TSPAN3: variants seen among roughly 807,000 people sequenced by gnomAD.
The protein encoded by TSPAN3 is tetraspanin 3.
TSPAN3 carries 9 observed loss-of-function variants against 31.1 expected under a neutral mutation model. The ratio of observed to expected loss-of-function variants is 0.29; its 90% CI spans 0.17 to 0.50. The LOEUF (loss-of-function observed/expected upper bound fraction) is 0.50. Among genes scored for constraint, TSPAN3 ranks in the 20% least tolerant of loss-of-function variants. The pLI is 0.98. For synonymous variants in TSPAN3, 129 were observed against 114.3 expected, an observed-to-expected ratio of 1.13 and a Z score of -0.82; for missense variants, 252 against 313.5, an observed-to-expected ratio of 0.80 and a Z score of 1.48.
At chr15:77,056,812 G>C (rs752676928) in intron 1 of TSPAN3, among the ~76,000 whole-genome samples, 25 of 152,128 alleles carry the variant, frequency 1.6e-4, no homozygotes, top group Non-Finnish European at 2.9e-4. Context: ...AAAGCTAGAG[G>C]GCTCAGTCAT....
At chr15:77,070,777 C>T in intron 1 of TSPAN3, 115 bp downstream of exon 1, 1 of 451,644 alleles carries the variant, frequency 2.2e-6, no homozygotes, top group African/African-American at 2.1e-5. Context: ...CGCCTGAGGG[C>T]CCGCGCGCGG....
rs530411274 is a variant in TSPAN3 at position 77,053,073 on chromosome 15, T to A, written c.433-144A>T. ...AATGGAAAGTCTGCATGATCCAATA[T>A]AGCAGCCACTAGCCACATGAAGCTC... On this transcript the variant is annotated intron_variant, in intron 4 of 6. Transcript: ENST00000267970. 7.9e-4 allele frequency: 586 copies of A among 743,378 alleles called. 8 individuals carry two copies. The East Asian group carries it at 0.016, about 20-fold the overall frequency. The allele number at this position is 743,378 out of a possible 1,614,324, so 46.0% of individuals were successfully genotyped here. A position where few individuals can be genotyped will look rare whatever the true frequency, so the allele number is the denominator to read the frequency against.
intron 1 of TSPAN3, among the ~76,000 whole-genome samples, chr15:77,060,289 C>T (rs2076793310): frequency 6.6e-6 from 1 of 152,148 alleles, no homozygotes; most frequent in Non-Finnish European, 1.5e-5. Flanking sequence ...AAATTGAAAA[C>T]AGCTTCAAAT....
At chr15:77,055,682 TA>T (rs1432929821) in intron 3 of TSPAN3, 106 bp downstream of exon 3, 2 of 879,202 alleles carry the variant, frequency 2.3e-6, no homozygotes, top group African/African-American at 3.4e-5. Flanking sequence ...ATTAAACAAG[TA>T]AGGCAAAAGA....
In TSPAN3 at chr15:77,056,196, A is replaced by C. The variant is rs1180245212; in HGVS notation, c.123T>G (p.Tyr41Ter). Residue 41 changes from tyrosine to a stop codon, truncating the protein, a stop_gained, in exon 2 of 7, where the codon TAT becomes TAG. Coordinates refer to ENST00000267970, the MANE Select transcript of TSPAN3 (RefSeq NM_005724.6). LOFTEE classifies it high-confidence loss of function. ...TGTACACATCTTCAAAGAAGTGGTCATAGTCATCATAAGTGATGAAGACAT... is the reference window on the plus strand; with the variant it reads ...TGTACACATCTTCAAAGAAGTGGTCCTAGTCATCATAAGTGATGAAGACAT... ...GAYVFITYDD[Y>*]DHFFEDVYTL... is the part of the protein sequence containing the mutation. The C allele has an allele frequency of 1.2e-6, 2 of 1,613,714 alleles. No homozygotes were observed. Among genetic ancestry groups the C allele is most frequent in the African/African-American group, 2.7e-5 (2 of 74,920 alleles).
At chr15:77,048,477 C>T (rs1013870842) in intron 6 of TSPAN3, among the ~76,000 whole-genome samples, 5 of 148,490 alleles carry the variant, frequency 3.4e-5, no homozygotes, top group Admixed American at 2.8e-4. Context: ...TTGTTTATTT[C>T]AATGAAATCA....
chr15:77,051,394 A>G (rs2076729859), intron 6 of TSPAN3, among the ~76,000 whole-genome samples: 2 of 151,934 alleles, frequency 1.3e-5, no homozygotes, highest in South Asian at 2.1e-4. Context: ...TGGGCATGGT[A>G]GCGGGAACCT....
At chr15:77,049,374 C>A (rs1044828658) in intron 6 of TSPAN3, among the ~76,000 whole-genome samples, 1 of 152,146 alleles carries the variant, frequency 6.6e-6, no homozygotes, top group Non-Finnish European at 1.5e-5. Context: ...TGAGGATATG[C>A]CAACTTCATG....
chr15:77,067,181 A>G (rs1040352947), intron 1 of TSPAN3, among the ~76,000 whole-genome samples: 4 of 152,182 alleles, frequency 2.6e-5, no homozygotes, highest in Non-Finnish European at 2.9e-5. Context: ...ATAAAGGACA[A>G]ACATTCTAAC....
At chr15:77,064,537 C>G (rs965780340) in intron 1 of TSPAN3, 2 of 152,178 alleles carry the variant, frequency 1.3e-5, no homozygotes, top group African/African-American at 4.8e-5. Flanking sequence ...AACCCATTCC[C>G]TAAACTGCAA....
Position 77,052,460 on chromosome 15 carries a change from C to T in TSPAN3, c.594G>A (p.Glu198=), listed in dbSNP as rs778576758. 3 of 1,613,874 alleles carry T rather than the reference C, an allele frequency of 1.9e-6. No individual in the cohort carries two copies. The African/African-American group carries it at 4.0e-5, about 22-fold the overall frequency. The change falls in exon 6 of 7, where the codon GAG becomes GAA. Residue 198 remains glutamate (E), a synonymous_variant. Transcript: ENST00000267970. The part of the protein sequence containing the change: ...HPSDLYAEGC[E]ALVVKKLQEI... ...CTTGTAGCTTCTTCACTACTAGAGC[C>T]TCACACCCCTGTAACAAACACAGTC...
intron 1 of TSPAN3, among the ~76,000 whole-genome samples, chr15:77,057,537 A>C (rs1055238923): frequency 6.6e-6 from 1 of 152,214 alleles, no homozygotes; most frequent in Non-Finnish European, 1.5e-5. Context: ...TGGGAAAGTA[A>C]TTTGATTTTT....
intron 3 of TSPAN3, 135 bp downstream of exon 3, chr15:77,055,654 T>A (rs2076764077): frequency 1.5e-6 from 1 of 673,240 alleles, no homozygotes; most frequent in Non-Finnish European, 2.5e-6. Flanking sequence ...CAATTAACTT[T>A]AGATATTTGA....
In TSPAN3 at chr15:77,052,560, T is replaced by C; in HGVS notation, c.586-92A>G. 5 of 1,294,944 alleles carry C rather than the reference T, an allele frequency of 3.9e-6. No homozygotes were observed. In the South Asian group the frequency reaches 4.9e-5, roughly 13 times the overall value. 80.2% of individuals were successfully genotyped at this position (1,294,944 alleles called of 1,614,324 possible). A position where few individuals can be genotyped will look rare whatever the true frequency, so the allele number is the denominator to read the frequency against. Reference sequence around the variant, plus strand: ...CACTACCCACTTACAGAAAGGAAAATGACAGAAACTGAAAGAGTGGAAAAA... The same window carrying C: ...CACTACCCACTTACAGAAAGGAAAACGACAGAAACTGAAAGAGTGGAAAAA... On this transcript the variant is annotated intron_variant, in intron 5 of 6. Coordinates refer to ENST00000267970, the MANE Select transcript of TSPAN3 (RefSeq NM_005724.6).
At position 77,044,842 on chromosome 15, in the gene TSPAN3, A is replaced by T. The variant is rs1404131046; in HGVS notation, c.*1993T>A. On this transcript the variant is annotated 3_prime_UTR_variant, in exon 7 of 7. Transcript: ENST00000267970. ...TACCCACAGGATGGTTCATATTGAA[A>T]ACTGGGGGGACCATGCTCGGGGGAG... The T allele has an allele frequency of 6.6e-6, 1 of 152,034 alleles. No homozygotes were observed. Among genetic ancestry groups the T allele is most frequent in the Non-Finnish European group, 1.5e-5 (1 of 68,060 alleles). 9.4% of individuals were successfully genotyped at this position (152,034 alleles called of 1,614,324 possible).
chr15:77,053,250 C>T (rs1489458918), intron 4 of TSPAN3, among the ~76,000 whole-genome samples: 1 of 151,810 alleles, frequency 6.6e-6, no homozygotes, highest in Non-Finnish European at 1.5e-5. Flanking sequence ...AATCCCAGCA[C>T]TTTGGGAGGC....
At chr15:77,070,553 A>G (rs2076861585) in intron 1 of TSPAN3, among the ~76,000 whole-genome samples, 1 of 151,792 alleles carries the variant, frequency 6.6e-6, no homozygotes, top group African/African-American at 2.4e-5. Context: ...ACAGTCTGCA[A>G]TAAGCGCTCT....
intron 1 of TSPAN3, among the ~76,000 whole-genome samples, chr15:77,056,845 A>G (rs1034745734): frequency 6.6e-6 from 1 of 152,230 alleles, no homozygotes; most frequent in Non-Finnish European, 1.5e-5. Flanking sequence ...CAAGTCCTCT[A>G]TCAATTCTTT....
intron 3 of TSPAN3, chr15:77,055,137 G>A (rs1022958090): frequency 6.6e-6 from 1 of 152,182 alleles, no homozygotes; most frequent in Non-Finnish European, 1.5e-5. Context: ...ATGAGAATGA[G>A]TCTATTATGT....
Sources: allele counts gnomAD v4.1 joint callset (sites outside exome capture counted in the v4.1 genomes callset), GRCh38; gene constraint gnomAD v4.1.1; transcripts MANE v1.5; gene names NCBI Gene and HGNC (gene_info 2026-07-23, HGNC 2026-07-21).